Variants in KHDRBS1 observed in about 807,000 individuals in gnomAD.
The protein encoded by KHDRBS1 is KH domain-containing, RNA-binding, signal transduction-associated protein 1.
In KHDRBS1, 7 loss-of-function variants were observed where a neutral mutation model predicts 48.4. The observed-to-expected ratio is 0.14, with a 90% confidence interval of 0.08 to 0.27. The LOEUF is 0.27. Among genes scored for constraint, KHDRBS1 ranks in the 10% least tolerant of loss-of-function variants. KHDRBS1 has a pLI of 1.00. For missense variants in KHDRBS1, 458 were observed against 601.2 expected, an observed-to-expected ratio of 0.76 and a Z score of 2.49; for synonymous variants, 241 against 235.8, an observed-to-expected ratio of 1.02 and a Z score of -0.20.
chr1:32,039,451 A>G (rs1360959086), intron 7 of KHDRBS1, 64 bp from the exon 8 acceptor site: 1 of 805,080 alleles, frequency 1.2e-6, no homozygotes, highest in Admixed American at 1.7e-5. Flanking sequence ...TTATGGAAGT[A>G]TTTGAGAGAA....
At chr1:32,019,595 A>T (rs1048172818) in intron 1 of KHDRBS1, among the ~76,000 whole-genome samples, 1 of 152,226 alleles carries the variant, frequency 6.6e-6, no homozygotes, top group Non-Finnish European at 1.5e-5. Flanking sequence ...AAATGGATGA[A>T]CTATAGCTGC....
Position 32,042,720 on chromosome 1 carries a change from G to T in KHDRBS1, c.*96G>T. The T allele has an allele frequency of 4.0e-6, 3 of 742,738 alleles. No individual in the cohort carries two copies. The highest frequency in any genetic ancestry group is 1.5e-5 in the South Asian group (1 of 65,034). 46.0% of individuals were successfully genotyped at this position (742,738 alleles called of 1,614,324 possible). ...CTGTTGCTTTACCCACAACAGACAA[G>T]TAATTGTCTAAGTGTTTTTCTTCGT... On this transcript the variant is annotated 3_prime_UTR_variant, in exon 9 of 9. Transcript: ENST00000327300.
At chr1:32,025,352 G>A (rs1361927991) in intron 1 of KHDRBS1, among the ~76,000 whole-genome samples, 1 of 132,656 alleles carries the variant, frequency 7.5e-6, no homozygotes, top group Non-Finnish European at 1.5e-5. Context: ...CCAGGCTAGA[G>A]TGCAGTGGCA....
intron 1 of KHDRBS1, among the ~76,000 whole-genome samples, chr1:32,026,267 T>C (rs2124369358): frequency 6.6e-6 from 1 of 152,256 alleles, no homozygotes; most frequent in Middle Eastern, 3.4e-3. Context: ...CTGCTTATCC[T>C]CCTGCCTCAG....
At chr1:32,056,724 G>A (rs530744207) in intron 10 of KHDRBS1, among the ~76,000 whole-genome samples, 60 of 152,318 alleles carry the variant, frequency 3.9e-4, no homozygotes, top group African/African-American at 1.4e-3. Context: ...ATCTGCCTTT[G>A]AGAAAGAGAA....
intron 1 of KHDRBS1, among the ~76,000 whole-genome samples, chr1:32,023,380 C>T (rs1447528871): frequency 6.6e-6 from 1 of 152,116 alleles, no homozygotes; most frequent in Non-Finnish European, 1.5e-5. Flanking sequence ...TTTCTGAGCC[C>T]GGGTTTCTTC....
At chr1:32,045,261 T>C (rs1021782293), downstream of KHDRBS1, 3 of 152,638 alleles carry the variant, frequency 2.0e-5, no homozygotes, top group Non-Finnish European at 4.4e-5. Flanking sequence ...CAGGATCTCT[T>C]TATCTTTTAT....
At chr1:32,049,148 C>T (rs1028559278) in intron 10 of KHDRBS1, among the ~76,000 whole-genome samples, 3 of 151,638 alleles carry the variant, frequency 2.0e-5, no homozygotes, top group Non-Finnish European at 4.4e-5. Context: ...GCAACCTCCG[C>T]CTCCCAGGTT....
intron 1 of KHDRBS1, among the ~76,000 whole-genome samples, chr1:32,028,826 C>T (rs1639026773): frequency 6.7e-6 from 1 of 149,730 alleles, no homozygotes; most frequent in African/African-American, 2.5e-5. Flanking sequence ...TTTTTAACTA[C>T]TCTCAGTGGA....
intron 10 of KHDRBS1, chr1:32,052,497 A>T (rs1280863186): frequency 6.6e-6 from 1 of 151,596 alleles, no homozygotes; most frequent in African/African-American, 2.4e-5. Context: ...TCCCAGGTTC[A>T]TGCCATTCTC....
intron 1 of KHDRBS1, among the ~76,000 whole-genome samples, chr1:32,016,186 GAAAA>G (rs576956025): frequency 1.2e-5 from 1 of 84,812 alleles, no homozygotes; most frequent in East Asian, 3.5e-4. Context: ...CTCAAAAAAG[GAAAA>G]AAAAAAAAAA....
intron 1 of KHDRBS1, among the ~76,000 whole-genome samples, chr1:32,022,060 C>A (rs575538700): frequency 1.3e-5 from 2 of 151,924 alleles, no homozygotes; most frequent in African/African-American, 4.8e-5. Context: ...CTCCACCTCC[C>A]GGGTTCAAGC....
chr1:32,055,932 G>A (rs1417666377), intron 10 of KHDRBS1, among the ~76,000 whole-genome samples: 1 of 152,138 alleles, frequency 6.6e-6, no homozygotes, highest in Admixed American at 6.5e-5. Flanking sequence ...TGAGGATGCA[G>A]TCTCATCTAG....
intron 1 of KHDRBS1, among the ~76,000 whole-genome samples, chr1:32,019,484 A>AG (rs1015208402): frequency 1.3e-5 from 2 of 152,162 alleles, no homozygotes; most frequent in African/African-American, 4.8e-5. Context: ...CGGGAGACAG[A>AG]GGTTGCAGTG....
chr1:32,042,246 G>A (rs1044941833), intron 8 of KHDRBS1, among the ~76,000 whole-genome samples: 8 of 152,212 alleles, frequency 5.3e-5, no homozygotes, highest in Non-Finnish European at 7.3e-5. Flanking sequence ...CTGGCGTACA[G>A]ATCACATTTG....
chr1:32,019,646 T>C (rs1159159254), intron 1 of KHDRBS1, among the ~76,000 whole-genome samples: 1 of 152,212 alleles, frequency 6.6e-6, no homozygotes, highest in Non-Finnish European at 1.5e-5. Flanking sequence ...TAATGTTATA[T>C]GAAGAAAGTA....
rs113087667 is a variant in KHDRBS1, at chr1:32,018,392, C to T, written c.382+4015C>T. ...AGGAAGATCATTTGAACTCAGGAGACGGAGGTTGCAGTGAGCCAAGATCGC... is the reference window on the plus strand; with the variant it reads ...AGGAAGATCATTTGAACTCAGGAGATGGAGGTTGCAGTGAGCCAAGATCGC... On this transcript the variant is annotated intron_variant, in intron 1 of 8. Transcript: ENST00000327300. Among the ~76,000 whole-genome samples, 590 of 152,068 alleles carry T rather than the reference C, an allele frequency of 3.9e-3. 3 individuals carry two copies. Among genetic ancestry groups the T allele is most frequent in the African/African-American group, 0.013 (519 of 41,494 alleles).
intron 1 of KHDRBS1, among the ~76,000 whole-genome samples, chr1:32,023,990 G>A (rs1449121599): frequency 6.6e-6 from 1 of 152,220 alleles, no homozygotes; most frequent in African/African-American, 2.4e-5. Context: ...GGTGGCTCAC[G>A]CCTGTAATTC....
chr1:32,019,569 A>AT (rs1319631486), intron 1 of KHDRBS1, among the ~76,000 whole-genome samples: 1 of 152,148 alleles, frequency 6.6e-6, no homozygotes, highest in East Asian at 1.9e-4. Context: ...AAAAGAAAAT[A>AT]TTTGTACAGC....
Sources: gnomAD v4.1 joint callset for allele counts (sites outside exome capture counted in the v4.1 genomes callset) on GRCh38, gnomAD v4.1.1 for gene constraint, MANE v1.5 for transcripts, NCBI Gene and HGNC (gene_info 2026-07-23, HGNC 2026-07-21) for gene names.